Variants in EYS observed in about 807,000 individuals in gnomAD.
EYS encodes the protein EGF-like photoreceptor maintenance factor, also known as protein eyes shut homolog.
EYS carries 250 observed loss-of-function variants against 282.1 expected under a neutral mutation model. The observed-to-expected ratio is 0.89, with a 90% CI of 0.80 to 0.98. The LOEUF is 0.98. EYS is among the 50% of genes least tolerant of loss of function. EYS has a pLI of 0.00. For missense variants in EYS, 4,016 were observed against 3,709.0 expected (o/e 1.08, Z -2.15); for synonymous variants, 1,355 against 1,282.9 (o/e 1.06, Z -1.20).
intron 19 of EYS, among the ~76,000 whole-genome samples, chr6:64,865,778 A>G (rs536983848): frequency 6.6e-6 from 1 of 152,218 alleles, no homozygotes; most frequent in African/African-American, 2.4e-5. Context: ...TCAATGAAGG[A>G]TAATGATACC....
At chr6:65,503,723 G>A (rs1208278489) in intron 2 of EYS, among the ~76,000 whole-genome samples, 1 of 151,486 alleles carries the variant, frequency 6.6e-6, no homozygotes, top group Non-Finnish European at 1.5e-5. Context: ...TATACTTTTG[G>A]CTTTGAATTA....
At chr6:64,250,995 G>T (rs1474205545) in intron 30 of EYS, among the ~76,000 whole-genome samples, 1 of 152,084 alleles carries the variant, frequency 6.6e-6, no homozygotes, top group Non-Finnish European at 1.5e-5. Flanking sequence ...CTGAGGGAAA[G>T]GACAGTTCAT....
intron 13 of EYS, among the ~76,000 whole-genome samples, chr6:65,049,504 C>A (rs995622644): frequency 6.6e-6 from 1 of 151,680 alleles, no homozygotes; most frequent in African/African-American, 2.4e-5. Context: ...TAGATTTGAA[C>A]AACCTGAAAA....
intron 1 of EYS, among the ~76,000 whole-genome samples, chr6:65,663,090 G>A (rs1418063291): frequency 6.6e-6 from 1 of 152,196 alleles, no homozygotes; most frequent in Non-Finnish European, 1.5e-5. Flanking sequence ...CTTTCTTGAA[G>A]CAGCAAAGTA....
At chr6:63,972,711 C>G (rs1244406308) in intron 35 of EYS, among the ~76,000 whole-genome samples, 1 of 152,070 alleles carries the variant, frequency 6.6e-6, no homozygotes, top group African/African-American at 2.4e-5. Flanking sequence ...CCCTGACAGG[C>G]CCCGGTGTGT....
chr6:64,373,827 G>T lies in EYS; in HGVS notation c.6078+14863C>A, dbSNP rs571340213. Among the ~76,000 whole-genome samples, 47 of 152,214 alleles carry T rather than the reference G, an allele frequency of 3.1e-4. No homozygotes were observed. In the South Asian group the frequency reaches 9.3e-3, roughly 30 times the overall value. The stretch of plus-strand genomic sequence containing the variant: ...AGTAGGCTTTTCCCACCTGGCTATC[G>T]GTGGAGGTGGGTGGGTCATGCACCC... On this transcript the variant is annotated intron_variant, in intron 29 of 42. Transcript: ENST00000503581.
At chr6:65,340,981 C>T (rs1005707685) in intron 10 of EYS, among the ~76,000 whole-genome samples, 2 of 151,056 alleles carry the variant, frequency 1.3e-5, no homozygotes, top group Non-Finnish European at 3.0e-5. Context: ...CAATATTTTT[C>T]ATCAACTTCA....
intron 30 of EYS, among the ~76,000 whole-genome samples, chr6:64,305,314 A>T (rs1434832576): frequency 1.3e-5 from 2 of 151,690 alleles, no homozygotes; most frequent in East Asian, 3.9e-4. Context: ...GAAAAAAGTG[A>T]TATACAGATT....
At chr6:64,169,127 T>A (rs747387415) in intron 31 of EYS, among the ~76,000 whole-genome samples, 1 of 152,206 alleles carries the variant, frequency 6.6e-6, no homozygotes, top group Non-Finnish European at 1.5e-5. Flanking sequence ...CTTGACCTTG[T>A]TCATCAGTTT....
At chr6:64,445,234 A>G (rs903149733) in intron 26 of EYS, among the ~76,000 whole-genome samples, 2 of 152,180 alleles carry the variant, frequency 1.3e-5, no homozygotes, top group Admixed American at 1.3e-4. Flanking sequence ...TGCTTCCCTC[A>G]GCAAAAATTT....
intron 1 of EYS, among the ~76,000 whole-genome samples, chr6:65,702,655 G>A (rs1376209920): frequency 6.6e-6 from 1 of 151,980 alleles, no homozygotes; most frequent in Non-Finnish European, 1.5e-5. Context: ...CAGCACCAGG[G>A]CATTCCTGCC....
chr6:64,813,609 T>A, intron 21 of EYS, 32 bp from the exon 22 acceptor site: 1 of 1,399,220 alleles, frequency 7.1e-7, no homozygotes, highest in South Asian at 1.3e-5. Flanking sequence ...CAAATTTGAT[T>A]ATTAGTATAA....
intron 13 of EYS, among the ~76,000 whole-genome samples, chr6:65,027,597 G>A (rs1772460313): frequency 6.6e-6 from 1 of 152,142 alleles, no homozygotes; most frequent in Non-Finnish European, 1.5e-5. Context: ...CCACTGATCT[G>A]CTGTCTGTCC....
chr6:65,369,330 T>TTATA (rs200969989), intron 8 of EYS, among the ~76,000 whole-genome samples: 13 of 138,312 alleles, frequency 9.4e-5, no homozygotes, highest in South Asian at 9.2e-4. Flanking sequence ...ATATATATAT[T>TTATA]TATATATATA....
intron 24 of EYS, among the ~76,000 whole-genome samples, chr6:64,594,320 T>A (rs565430978): frequency 1.4e-4 from 21 of 152,264 alleles, no homozygotes; most frequent in Non-Finnish European, 2.6e-4. Flanking sequence ...TTTGCTATTG[T>A]GAATAGTGCT....
At chr6:64,689,077 G>A (rs1438456267) in intron 22 of EYS, among the ~76,000 whole-genome samples, 4 of 152,098 alleles carry the variant, frequency 2.6e-5, no homozygotes, top group Non-Finnish European at 2.9e-5. Flanking sequence ...AAACCCCATC[G>A]TCTCAGCCCA....
At chr6:63,856,945 G>A (rs1011140793) in intron 36 of EYS, among the ~76,000 whole-genome samples, 80 of 152,130 alleles carry the variant, frequency 5.3e-4, no homozygotes, top group Non-Finnish European at 6.9e-4. Flanking sequence ...GAAATATGTA[G>A]TTCAGGGAAA....
chr6:65,695,477 G>A (rs1761905929), intron 1 of EYS, among the ~76,000 whole-genome samples: 1 of 151,990 alleles, frequency 6.6e-6, no homozygotes, highest in Non-Finnish European at 1.5e-5. Context: ...CAGATCCAAT[G>A]TAATCTTTTG....
chr6:65,339,460 CTGTTA>C (rs1770115631), intron 10 of EYS, among the ~76,000 whole-genome samples: 1 of 151,054 alleles, frequency 6.6e-6, no homozygotes, highest in Non-Finnish European at 1.5e-5. Flanking sequence ...TTATAGTATA[CTGTTA>C]TAATTGTTAT....
Sources: gnomAD v4.1 joint callset for allele counts (sites outside exome capture counted in the v4.1 genomes callset) on GRCh38, gnomAD v4.1.1 for gene constraint, MANE v1.5 for transcripts, NCBI Gene and HGNC (gene_info 2026-07-23, HGNC 2026-07-21) for gene names.